Variants in ADAMTS12 observed in about 807,000 individuals in gnomAD.
ADAMTS12 encodes the protein A disintegrin and metalloproteinase with thrombospondin motifs 12.
ADAMTS12 carries 118 observed loss-of-function variants against 167.8 expected under a neutral mutation model. The observed-to-expected ratio is 0.70, with a 90% CI of 0.61 to 0.82. The LOEUF (loss-of-function observed/expected upper bound fraction) is 0.82. Ranked by LOEUF, ADAMTS12 falls within the 40% of genes least tolerant of loss-of-function variation. The pLI is 0.00. For missense variants in ADAMTS12, 1,916 were observed against 1,998.8 expected, an observed-to-expected ratio of 0.96 and a Z score of 0.79; for synonymous variants, 704 against 716.9, an observed-to-expected ratio of 0.98 and a Z score of 0.29.
chr5:33,745,902 C>T (rs528671140), intron 3 of ADAMTS12, among the ~76,000 whole-genome samples: 71 of 152,128 alleles, frequency 4.7e-4, no homozygotes, highest in Non-Finnish European at 8.2e-4. Flanking sequence ...TAAGCATTTC[C>T]CCAAATTTTC....
chr5:33,622,381 C>A (rs987656587), intron 14 of ADAMTS12, among the ~76,000 whole-genome samples: 2 of 152,236 alleles, frequency 1.3e-5, no homozygotes, highest in South Asian at 2.1e-4. Flanking sequence ...GTTAGCTGGT[C>A]CCAGTGGCTC....
chr5:33,715,856 A>T (rs1232723583), intron 3 of ADAMTS12, among the ~76,000 whole-genome samples: 1 of 152,170 alleles, frequency 6.6e-6, no homozygotes, highest in Admixed American at 6.6e-5. Flanking sequence ...TTGTCAGGCC[A>T]GGGAGTTGTC....
At position 33,630,784 on chromosome 5, in the gene ADAMTS12, C is replaced by A. The variant is rs748401062; in HGVS notation, c.2018G>T (p.Cys673Phe). 6.2e-7 allele frequency: 1 copy of A among 1,612,558 alleles called. No homozygotes were observed. Among genetic ancestry groups the A allele is most frequent in the South Asian group, 1.1e-5 (1 of 90,972 alleles). Residue 673 changes from cysteine to phenylalanine, a missense_variant, in exon 13 of 24, where the codon TGT (cysteine) becomes TTT (phenylalanine). Coordinates refer to ENST00000504830, the MANE Select transcript of ADAMTS12 (RefSeq NM_030955.4). ...TTAAGGAAACATACCCAATACCTTA[C>A]ATATGCCATTAATACAGACATTTCT... Reference protein sequence around the residue: ...NSRNVCINGICKMVGCDYEID... With the variant: ...NSRNVCINGIFKMVGCDYEID...
intron 16 of ADAMTS12, 128 bp from the exon 17 acceptor site, chr5:33,596,188 G>A: frequency 8.3e-7 from 1 of 1,206,602 alleles, no homozygotes; most frequent in Non-Finnish European, 1.2e-6. Flanking sequence ...AAAGTTACTT[G>A]GTTTTAAAGG....
At chr5:33,535,154 A>T (rs111790805) in intron 22 of ADAMTS12, among the ~76,000 whole-genome samples, 162 bp from the exon 23 acceptor site, 2,163 of 152,324 alleles carry the variant, frequency 0.014, 48 homozygotes, top group African/African-American at 0.05. Context: ...TAATTTGGAG[A>T]TGTGAGTTTA....
At chr5:33,628,958 C>G (rs1235477067) in intron 13 of ADAMTS12, among the ~76,000 whole-genome samples, 1 of 152,164 alleles carries the variant, frequency 6.6e-6, no homozygotes, top group African/African-American at 2.4e-5. Flanking sequence ...TCAAGAAAGA[C>G]ATCCAACTTA....
chr5:33,606,366 C>T (rs1738439718), intron 16 of ADAMTS12, among the ~76,000 whole-genome samples: 1 of 152,154 alleles, frequency 6.6e-6, no homozygotes, highest in South Asian at 2.1e-4. Flanking sequence ...GAGACACTTA[C>T]TTGAATGCTT....
At chr5:33,606,985 C>G (rs1032722552) in intron 16 of ADAMTS12, among the ~76,000 whole-genome samples, 3 of 151,988 alleles carry the variant, frequency 2.0e-5, no homozygotes, top group Non-Finnish European at 4.4e-5. Flanking sequence ...ATGAAATAAC[C>G]AACTCTTTTA....
intron 2 of ADAMTS12, among the ~76,000 whole-genome samples, chr5:33,857,216 C>T (rs1279824350): frequency 6.6e-6 from 1 of 152,112 alleles, no homozygotes; most frequent in Non-Finnish European, 1.5e-5. Flanking sequence ...AATAGTCAAA[C>T]TCACAGAGGC....
chr5:33,795,224 C>CT (rs1284349517), intron 2 of ADAMTS12, among the ~76,000 whole-genome samples: 1 of 152,182 alleles, frequency 6.6e-6, no homozygotes, highest in African/African-American at 2.4e-5. Context: ...ACCCAGTGTG[C>CT]TTACAAATGG....
At chr5:33,595,789 G>T in intron 17 of ADAMTS12, 145 bp downstream of exon 17, 1 of 1,172,048 alleles carries the variant, frequency 8.5e-7, no homozygotes, top group Non-Finnish European at 1.2e-6. Context: ...CAACAGCATA[G>T]CCACAGAAAA....
At chr5:33,703,652 T>A (rs558390830) in intron 3 of ADAMTS12, among the ~76,000 whole-genome samples, 2 of 152,226 alleles carry the variant, frequency 1.3e-5, no homozygotes, top group Admixed American at 6.5e-5. Context: ...ATGGCATTTA[T>A]CTTTCTGTGT....
chr5:33,709,138 C>T (rs1743300546), intron 3 of ADAMTS12, among the ~76,000 whole-genome samples: 2 of 152,028 alleles, frequency 1.3e-5, no homozygotes, highest in South Asian at 2.1e-4. Flanking sequence ...AAATGCAAAT[C>T]GAAACCACAA....
intron 16 of ADAMTS12, among the ~76,000 whole-genome samples, chr5:33,604,616 T>C (rs1261149329): frequency 6.7e-6 from 1 of 149,824 alleles, no homozygotes; most frequent in Non-Finnish European, 1.5e-5. Context: ...AGACAAGAAT[T>C]CAATTTCTAA....
At chr5:33,837,489 T>A (rs1197185573) in intron 2 of ADAMTS12, among the ~76,000 whole-genome samples, 1 of 152,206 alleles carries the variant, frequency 6.6e-6, no homozygotes, top group Non-Finnish European at 1.5e-5. Flanking sequence ...TTTGACAATC[T>A]ACCACTTGGT....
chr5:33,885,464 G>A (rs746592962), intron 1 of ADAMTS12, among the ~76,000 whole-genome samples: 15 of 152,118 alleles, frequency 9.9e-5, no homozygotes, highest in Admixed American at 2.6e-4. Flanking sequence ...GTAAGACTCC[G>A]TCTCAAAATA....
rs1436807205 is a variant in ADAMTS12 at position 33,588,804 on chromosome 5, C to T, written c.2660G>A (p.Trp887Ter). The T allele has an allele frequency of 1.9e-6, 3 of 1,613,136 alleles. No homozygotes were observed. Among genetic ancestry groups the T allele is most frequent in the Middle Eastern group, 1.8e-4 (1 of 5,672 alleles). ...CHEKACPPRW[W>*]AGEWEACSAT... ...CGAGCATGCTTCCCACTCCCCTGCC[C>T]ACCACCTGCAGGCAAACATGGATAT... The change falls in exon 18 of 24, where the codon TGG becomes TAG. Residue 887 changes from tryptophan to a stop codon, truncating the protein, a stop_gained. Transcript: ENST00000504830. LOFTEE classifies it high-confidence loss of function.
At chr5:33,573,029 A>G (rs1020331822) in intron 19 of ADAMTS12, among the ~76,000 whole-genome samples, 55 of 152,164 alleles carry the variant, frequency 3.6e-4, no homozygotes, top group Admixed American at 1.4e-3. Flanking sequence ...ATACTTAGGA[A>G]TCCAACTTAC....
At chr5:33,641,651 C>T (rs914104521) in intron 11 of ADAMTS12, among the ~76,000 whole-genome samples, 159 bp downstream of exon 11, 2 of 152,084 alleles carry the variant, frequency 1.3e-5, no homozygotes, top group African/African-American at 2.4e-5. Context: ...ACTTTTTTTC[C>T]CCACTCTCTG....
Sources: allele counts gnomAD v4.1 joint callset (sites outside exome capture counted in the v4.1 genomes callset), GRCh38; gene constraint gnomAD v4.1.1; transcripts MANE v1.5; gene names NCBI Gene and HGNC (gene_info 2026-07-23, HGNC 2026-07-21).